The following MGA variants were observed in gnomAD, a reference collection of about 807,000 sequenced individuals.
MGA encodes MAX dimerization protein MGA.
MGA carries 40 observed loss-of-function variants against 261.1 expected under a neutral mutation model. The observed-to-expected ratio is 0.15, with a 90% CI of 0.12 to 0.20. MGA has a LOEUF of 0.20. MGA is among the 10% of genes least tolerant of loss of function. The probability of loss-of-function intolerance (pLI) is 1.00; values close to 1 mark genes in which losing one functional copy is unlikely to be tolerated. For synonymous variants in MGA, 1,302 were observed against 1,290.6 expected (o/e 1.01, Z -0.19); for missense variants, 3,397 against 3,630.5 (o/e 0.94, Z 1.65).
rs762304809 is a variant in MGA at position 41,749,876 on chromosome 15, C to T, written c.6269C>T (p.Ser2090Phe). The change falls in exon 17 of 24, where the codon TCT becomes TTT. Residue 2090 changes from serine (S) to phenylalanine (F), a missense_variant. By Grantham distance (155) the Ser-to-Phe change is radical. This residue lies in a region of MGA where 1,410 missense variants were observed against 1,386.4 expected (regional missense o/e 1.02). Coordinates refer to ENST00000219905, the MANE Select transcript of MGA (RefSeq NM_001164273.2). ...GCTGTTCTGGAAGTTAGGACCATTTCTGAAAAAGCCAGTAATAAGACAGTC... is the reference window on the plus strand; with the variant it reads ...GCTGTTCTGGAAGTTAGGACCATTTTTGAAAAAGCCAGTAATAAGACAGTC... 6.2e-7 allele frequency: 1 copy of T among 1,613,892 alleles called. No individual in the cohort carries two copies. Among genetic ancestry groups the T allele is most frequent in the Admixed American group, 1.7e-5 (1 of 60,016 alleles).
Position 41,762,361 on chromosome 15 carries a change from A to AGGTAGGAG in MGA, c.7744+2_7744+9dup, listed in dbSNP as rs2063506983. 6.2e-7 allele frequency: 1 copy of AGGTAGGAG among 1,610,252 alleles called. No individual in the cohort carries two copies. Among genetic ancestry groups the AGGTAGGAG allele is most frequent in the East Asian group, 2.2e-5 (1 of 44,760 alleles). On this transcript the variant is annotated frameshift_variant and splice_region_variant, in exon 22 of 24. Coordinates refer to ENST00000219905, the MANE Select transcript of MGA (RefSeq NM_001164273.2). LOFTEE classifies it high-confidence loss of function. ...TTTCCAGAAAAAAAGACCAGGCCACAGGTAGGAGGGACATTCTTCGCTTTC... is the reference window on the plus strand; with the variant it reads ...TTTCCAGAAAAAAAGACCAGGCCACAGGTAGGAGGGTAGGAGGGACATTCTTCGCTTTC...
At chr15:41,706,244 A>G (rs1482717504) in intron 5 of MGA, among the ~76,000 whole-genome samples, 1 of 109,764 alleles carries the variant, frequency 9.1e-6, no homozygotes. Context: ...CTCAAAAAAA[A>G]AAAAAAAATG....
chr15:41,694,384 C>G (rs944374391), intron 2 of MGA, among the ~76,000 whole-genome samples: 5 of 151,584 alleles, frequency 3.3e-5, no homozygotes, highest in African/African-American at 1.2e-4. Flanking sequence ...GGTGACAGAG[C>G]AAGACCCCAT....
chr15:41,681,987 G>A (rs1350227669), intron 2 of MGA, among the ~76,000 whole-genome samples: 3 of 151,926 alleles, frequency 2.0e-5, no homozygotes, highest in African/African-American at 4.8e-5. Flanking sequence ...GTGCGATCTC[G>A]GCTTACTGCA....
rs1328697727 is a variant in MGA, at chr15:41,754,450, A to G, written c.7022A>G (p.Glu2341Gly). 1.3e-6 allele frequency: 2 copies of G among 1,550,576 alleles called. No homozygotes were observed. The highest frequency in any genetic ancestry group is 4.0e-5 in the Admixed American group (2 of 49,692). The change falls in exon 18 of 24, where the codon GAA becomes GGA. Residue 2341 changes from glutamate to glycine, a missense_variant. This residue lies in a region of MGA where 1,410 missense variants were observed against 1,386.4 expected (regional missense o/e 1.02). Coordinates refer to ENST00000219905, the MANE Select transcript of MGA (RefSeq NM_001164273.2). ...GATGTATTTCAGAATAACTGTGTAGAATACATTGAGGATGATGAGGAGCAC... is the reference window on the plus strand; with the variant it reads ...GATGTATTTCAGAATAACTGTGTAGGATACATTGAGGATGATGAGGAGCAC...
At chr15:41,713,643 C>G in intron 9 of MGA, 147 bp downstream of exon 9, 1 of 1,008,628 alleles carries the variant, frequency 9.9e-7, no homozygotes. Flanking sequence ...CTCTTTCTGA[C>G]TGGCTATCTG....
At chr15:41,765,189 A>G in intron 23 of MGA, 127 bp downstream of exon 23, 1 of 1,104,956 alleles carries the variant, frequency 9.1e-7, no homozygotes, top group Non-Finnish European at 1.3e-6. Context: ...TTGCCTTGGT[A>G]AGAGGTGGCC....
At chr15:41,714,922 T>C (rs558116846) in intron 9 of MGA, among the ~76,000 whole-genome samples, 1 of 152,276 alleles carries the variant, frequency 6.6e-6, no homozygotes, top group East Asian at 1.9e-4. Context: ...TATCATAAAC[T>C]TTTTTTCTGT....
chr15:41,766,915 A>C lies in MGA; in HGVS notation c.8833A>C (p.Ile2945Leu). Residue 2945 changes from isoleucine to leucine, a missense_variant, in exon 24 of 24, where the codon ATT becomes CTT. Ile to Leu is a conservative substitution (Grantham distance 5, BLOSUM62 2). This residue lies in a region of MGA where 647 missense variants were observed against 642.4 expected (regional missense o/e 1.01). Transcript: ENST00000219905. ...TTCCCTCCTTTCCAACAAGAAAGCT[A>C]TTGATGGAGGGAAGAATACTTCTGG... 6.2e-7 allele frequency: 1 copy of C among 1,613,998 alleles called. No homozygotes were observed.
At chr15:41,764,724 G>T (rs1370127389) in intron 22 of MGA, among the ~76,000 whole-genome samples, 162 bp from the exon 23 acceptor site, 1 of 151,720 alleles carries the variant, frequency 6.6e-6, no homozygotes, top group Non-Finnish European at 1.5e-5. Flanking sequence ...TTCTTGTAGA[G>T]ATGGAGATGG....
intron 1 of MGA, among the ~76,000 whole-genome samples, chr15:41,622,432 A>G (rs1051476879): frequency 3.3e-5 from 5 of 152,240 alleles, no homozygotes; most frequent in East Asian, 3.9e-4. Flanking sequence ...TCCCCTCTCA[A>G]TCATTACAAT....
intron 1 of MGA, among the ~76,000 whole-genome samples, chr15:41,643,811 G>A (rs1387911829): frequency 7.1e-6 from 1 of 141,524 alleles, no homozygotes; most frequent in East Asian, 2.0e-4. Context: ...AGTCGCCTCC[G>A]CCCGCCTCAG....
At chr15:41,639,384 G>A (rs1400445716) in intron 1 of MGA, among the ~76,000 whole-genome samples, 2 of 151,934 alleles carry the variant, frequency 1.3e-5, no homozygotes, top group African/African-American at 2.4e-5. Context: ...GTCAGAGAAT[G>A]TTTGTCATTC....
intron 1 of MGA, among the ~76,000 whole-genome samples, chr15:41,654,380 A>T (rs180835668): frequency 6.2e-4 from 94 of 152,036 alleles, no homozygotes; most frequent in African/African-American, 1.8e-3. Context: ...ATCTTTTTTT[A>T]AAAAAAATCA....
chr15:41,729,277 C>G lies in MGA; in HGVS notation c.3771C>G (p.Ser1257=). The change falls in exon 11 of 24, where the codon TCC becomes TCG. Residue 1257 remains serine, a synonymous_variant. Transcript: ENST00000219905. ...AGGACCAGAGACAACCATCTTCCTC[C>G]TCCTCCCCATCTCCATCATTTCAGC... The G allele has an allele frequency of 1.2e-6, 2 of 1,613,868 alleles. No homozygotes were observed. Among genetic ancestry groups the G allele is most frequent in the Non-Finnish European group, 1.7e-6 (2 of 1,179,824 alleles).
chr15:41,729,788 T>A (rs1201660942), intron 11 of MGA, among the ~76,000 whole-genome samples: 1 of 152,198 alleles, frequency 6.6e-6, no homozygotes, highest in African/African-American at 2.4e-5. Context: ...TGAGCTGCTA[T>A]CATGCCACTT....
chr15:41,710,631 A>G (rs2060344755), intron 7 of MGA, 60 bp from the exon 8 acceptor site: 31 of 1,455,752 alleles, frequency 2.1e-5, no homozygotes, highest in African/African-American at 2.8e-5. Context: ...TAGTGTTTTT[A>G]TGGAGATTCA....
At chr15:41,695,699 A>G (rs913859664) in intron 2 of MGA, among the ~76,000 whole-genome samples, 11 of 152,208 alleles carry the variant, frequency 7.2e-5, no homozygotes, top group East Asian at 1.9e-4. Flanking sequence ...GAGTTTTTCA[A>G]TTTTAAAGTT....
chr15:41,681,998 A>G (rs999919462), intron 2 of MGA, among the ~76,000 whole-genome samples: 4 of 151,884 alleles, frequency 2.6e-5, no homozygotes, highest in African/African-American at 4.8e-5. Flanking sequence ...GCTTACTGCA[A>G]CCGCTGCCTC....
Sources: gnomAD v4.1 joint callset for allele counts (sites outside exome capture counted in the v4.1 genomes callset) on GRCh38, gnomAD v4.1.1 for gene constraint, gnomAD v4.1.1 regional missense constraint, MANE v1.5 for transcripts, NCBI Gene and HGNC (gene_info 2026-07-23, HGNC 2026-07-21) for gene names.